The following AGBL4 variants were observed in gnomAD, a reference collection of about 807,000 sequenced individuals.
AGBL4 encodes the protein cytosolic carboxypeptidase 6.
AGBL4 carries 58 observed loss-of-function variants against 66.4 expected under a neutral mutation model. The ratio of observed to expected loss-of-function variants is 0.87; its 90% CI spans 0.71 to 1.09. The LOEUF is 1.09. Ranked by LOEUF, AGBL4 falls within the 50% of genes least tolerant of loss-of-function variation. AGBL4 has a pLI of 0.00. For synonymous variants in AGBL4, 234 were observed against 222.9 expected, an observed-to-expected ratio of 1.05 and a Z score of -0.44; for missense variants, 579 against 631.0, an observed-to-expected ratio of 0.92 and a Z score of 0.88.
intron 3 of AGBL4, among the ~76,000 whole-genome samples, chr1:49,638,579 T>C (rs1571225364): frequency 1.3e-5 from 2 of 152,196 alleles, no homozygotes; most frequent in South Asian, 2.1e-4. Context: ...TGAGAGGTAA[T>C]TGAATCATGG....
intron 3 of AGBL4, among the ~76,000 whole-genome samples, chr1:49,341,621 G>A (rs1645540752): frequency 1.3e-5 from 2 of 152,130 alleles, no homozygotes; most frequent in Admixed American, 6.5e-5. Context: ...TATTCTCTTT[G>A]GATTAATCTG....
At chr1:48,828,926 T>C (rs1646489718) in intron 6 of AGBL4, among the ~76,000 whole-genome samples, 1 of 152,214 alleles carries the variant, frequency 6.6e-6, no homozygotes, top group South Asian at 2.1e-4. Flanking sequence ...TGTGTACGTG[T>C]GTGTGTGTAT....
intron 6 of AGBL4, among the ~76,000 whole-genome samples, chr1:48,704,317 C>G (rs771613811): frequency 2.0e-5 from 3 of 152,240 alleles, no homozygotes; most frequent in South Asian, 2.1e-4. Context: ...TTACTGTGCA[C>G]GAGTGTAGAC....
intron 2 of AGBL4, among the ~76,000 whole-genome samples, chr1:49,738,364 G>A (rs1192227832): frequency 2.6e-5 from 4 of 152,318 alleles, no homozygotes; most frequent in East Asian, 1.9e-4. Flanking sequence ...GGGGAGGGGC[G>A]CTCACCATTG....
chr1:48,675,379 TG>T (rs567281098), intron 6 of AGBL4, among the ~76,000 whole-genome samples: 112 of 152,328 alleles, frequency 7.4e-4, no homozygotes, highest in African/African-American at 1.9e-3. Context: ...TATTTGCTAA[TG>T]TTTTTTTAAG....
intron 6 of AGBL4, among the ~76,000 whole-genome samples, chr1:48,795,854 A>G (rs1030328631): frequency 2.2e-4 from 33 of 152,146 alleles, no homozygotes; most frequent in Admixed American, 1.9e-3. Flanking sequence ...GGGTTTCACT[A>G]TCTTGGCTAG....
At chr1:49,080,139 G>A (rs1356462714) in intron 4 of AGBL4, among the ~76,000 whole-genome samples, 1 of 152,090 alleles carries the variant, frequency 6.6e-6, no homozygotes, top group African/African-American at 2.4e-5. Flanking sequence ...TCTCAATTTT[G>A]TGTGAAAAAC....
chr1:48,589,412 T>C (rs1218074212), intron 10 of AGBL4, among the ~76,000 whole-genome samples: 1 of 152,190 alleles, frequency 6.6e-6, no homozygotes, highest in Non-Finnish European at 1.5e-5. Flanking sequence ...TTTCAGCTCA[T>C]CAACTTCAAA....
intron 8 of AGBL4, among the ~76,000 whole-genome samples, chr1:48,634,987 C>T (rs567719900): frequency 1.3e-5 from 2 of 152,208 alleles, no homozygotes; most frequent in Non-Finnish European, 2.9e-5. Flanking sequence ...TCTTTGCTCA[C>T]ACCTATAGCT....
At chr1:49,385,746 T>C (rs1644723061) in intron 3 of AGBL4, among the ~76,000 whole-genome samples, 2 of 152,054 alleles carry the variant, frequency 1.3e-5, no homozygotes, top group South Asian at 4.1e-4. Flanking sequence ...GATTTTGGGT[T>C]TGAAATTGCT....
At chr1:49,834,323 G>A (rs1645786001) in intron 2 of AGBL4, among the ~76,000 whole-genome samples, 1 of 152,128 alleles carries the variant, frequency 6.6e-6, no homozygotes, top group African/African-American at 2.4e-5. Flanking sequence ...GGGTGTATGT[G>A]TCCAGGAATT....
At chr1:49,541,173 C>T (rs375125834) in intron 3 of AGBL4, among the ~76,000 whole-genome samples, 22 of 152,328 alleles carry the variant, frequency 1.4e-4, no homozygotes, top group East Asian at 1.4e-3. Context: ...GAAAAGACCG[C>T]GTGCTGGCAG....
At chr1:49,604,637 A>C (rs1405784036) in intron 3 of AGBL4, among the ~76,000 whole-genome samples, 1 of 152,120 alleles carries the variant, frequency 6.6e-6, no homozygotes, top group Non-Finnish European at 1.5e-5. Flanking sequence ...TAATTTTTTG[A>C]ATCATTTTAT....
In AGBL4 at chr1:49,084,888, C is replaced by T. The variant is rs550882645; in HGVS notation, c.378-39088G>A. Among the ~76,000 whole-genome samples the T allele has an allele frequency of 1.3e-3, 191 of 152,240 alleles. 1 individual carries two copies. Among genetic ancestry groups the T allele is most frequent in the African/African-American group, 4.5e-3 (187 of 41,528 alleles). On this transcript the variant is annotated intron_variant, in intron 4 of 13. Transcript: ENST00000371839. ...AGCAATTAAGTGATGGGTCTGAGACCGTCATGTTGTCCTTTTTGACTCCAA... is the reference window on the plus strand; with the variant it reads ...AGCAATTAAGTGATGGGTCTGAGACTGTCATGTTGTCCTTTTTGACTCCAA...
chr1:49,771,008 C>G (rs1441232236), intron 2 of AGBL4, among the ~76,000 whole-genome samples: 1 of 151,682 alleles, frequency 6.6e-6, no homozygotes, highest in African/African-American at 2.4e-5. Flanking sequence ...TCATTTATTT[C>G]TCTGTGAGCT....
intron 9 of AGBL4, among the ~76,000 whole-genome samples, chr1:48,603,872 G>A (rs555892156): frequency 1.1e-4 from 16 of 152,222 alleles, no homozygotes; most frequent in East Asian, 7.7e-4. Context: ...TTGGGAGACC[G>A]AGGTAGGTGG....
At chr1:49,475,720 A>G (rs1430561253) in intron 3 of AGBL4, among the ~76,000 whole-genome samples, 1 of 152,026 alleles carries the variant, frequency 6.6e-6, no homozygotes, top group Admixed American at 6.6e-5. Context: ...GTGCATAGAA[A>G]TGTTCACAGT....
At chr1:48,728,873 A>C (rs535645497) in intron 6 of AGBL4, among the ~76,000 whole-genome samples, 1 of 152,342 alleles carries the variant, frequency 6.6e-6, no homozygotes, top group Admixed American at 6.5e-5. Flanking sequence ...CACATTATTA[A>C]GGTTCTGACA....
In AGBL4 at chr1:48,694,758, A is replaced by G. The variant is rs76542207; in HGVS notation, c.635-31517T>C. 6.1e-3 allele frequency among the ~76,000 whole-genome samples: 935 copies of G among 152,236 alleles called. 10 individuals carry two copies. Among genetic ancestry groups the G allele is most frequent in the African/African-American group, 0.021 (887 of 41,540 alleles). ...GGGGTCCAGAGGATGATAAGACACC[A>G]TCTAGCAAGACCCCTTGAAACTTTC... On this transcript the variant is annotated intron_variant, in intron 6 of 13. Coordinates refer to ENST00000371839, the MANE Select transcript of AGBL4 (RefSeq NM_032785.4).
Sources: allele counts gnomAD v4.1 joint callset (sites outside exome capture counted in the v4.1 genomes callset), GRCh38; gene constraint gnomAD v4.1.1; transcripts MANE v1.5; gene names NCBI Gene and HGNC (gene_info 2026-07-23, HGNC 2026-07-21).